Variants in MARCHF1 observed in about 807,000 individuals in gnomAD.
MARCHF1 encodes the protein E3 ubiquitin-protein ligase MARCHF1.
Under a neutral mutation model 54.2 loss-of-function variants are expected in MARCHF1, and 40 were observed. The observed-to-expected ratio is 0.74, with a 90% CI of 0.57 to 0.96. The LOEUF (loss-of-function observed/expected upper bound fraction) is 0.96. MARCHF1 is among the 40% of genes least tolerant of loss of function. The pLI, the probability that MARCHF1 is intolerant of heterozygous loss-of-function variation, is 0.00. For synonymous variants in MARCHF1, 236 were observed against 236.3 expected (o/e 1.00, Z 0.01); for missense variants, 586 against 656.5 (o/e 0.89, Z 1.17).
chr4:164,338,977 AAAAT>A (rs1005791769), intron 1 of MARCHF1, among the ~76,000 whole-genome samples: 183 of 152,312 alleles, frequency 1.2e-3, no homozygotes, highest in African/African-American at 4.1e-3. Flanking sequence ...CATCTCAAAA[AAAAT>A]AAATAAATAA....
In MARCHF1 at chr4:164,162,910, GC is replaced by G. The variant is rs761086061; in HGVS notation, c.-322-51249del. 3.3e-5 allele frequency among the ~76,000 whole-genome samples: 5 copies of G among 152,034 alleles called. 1 individual carries two copies. Among genetic ancestry groups the G allele is most frequent in the African/African-American group, 9.7e-5 (4 of 41,418 alleles). ...AGGAAAATACATCATCTTTAAATAA[GC>G]AACAGTTTTACTGACAGCTAACTTC... On this transcript the variant is annotated intron_variant, in intron 1 of 9. Transcript: ENST00000514618.
chr4:164,166,253 T>A (rs966942), intron 1 of MARCHF1, among the ~76,000 whole-genome samples: 1 of 151,840 alleles, frequency 6.6e-6, no homozygotes, highest in African/African-American at 2.4e-5. Flanking sequence ...ATTTCATGCA[T>A]GAGATGATAA....
chr4:163,966,181 C>T (rs1014255631), intron 3 of MARCHF1, among the ~76,000 whole-genome samples: 1 of 151,868 alleles, frequency 6.6e-6, no homozygotes, highest in Non-Finnish European at 1.5e-5. Context: ...AGCAATCTTA[C>T]CATTTATAAA....
intron 4 of MARCHF1, among the ~76,000 whole-genome samples, chr4:163,725,862 T>C (rs556668763): frequency 6.6e-6 from 1 of 152,350 alleles, no homozygotes; most frequent in African/African-American, 2.4e-5. Flanking sequence ...ACAGTTAATG[T>C]CTGTTTTTGT....
At chr4:163,750,654 C>A (rs1007982685) in intron 4 of MARCHF1, among the ~76,000 whole-genome samples, 1 of 152,078 alleles carries the variant, frequency 6.6e-6, no homozygotes, top group African/African-American at 2.4e-5. Context: ...CAAACTCCTC[C>A]AGAGAATAAC....
intron 1 of MARCHF1, among the ~76,000 whole-genome samples, chr4:164,306,642 A>G (rs1010921611): frequency 7.9e-5 from 12 of 152,166 alleles, no homozygotes; most frequent in Non-Finnish European, 1.6e-4. Context: ...TATTCCTTCT[A>G]AAACTAAGAT....
At position 164,314,779 on chromosome 4, in the gene MARCHF1, A is replaced by T. The variant is rs186403749; in HGVS notation, c.-323+69091T>A. 3.9e-5 allele frequency among the ~76,000 whole-genome samples: 6 copies of T among 152,270 alleles called. No homozygotes were observed. In the East Asian group the frequency reaches 1.2e-3, roughly 29 times the overall value. The stretch of plus-strand genomic sequence containing the variant: ...TTTCTTAGTTGTATATTTAACATGT[A>T]TCAAATCTCTACTGTACGTCAGATA... On this transcript the variant is annotated intron_variant, in intron 1 of 9. Coordinates refer to ENST00000514618, the MANE Select transcript of MARCHF1 (RefSeq NM_001394959.1).
chr4:163,630,719 T>C (rs1742044586), intron 5 of MARCHF1, among the ~76,000 whole-genome samples: 1 of 152,076 alleles, frequency 6.6e-6, no homozygotes. Flanking sequence ...TGAGATATTA[T>C]TAATGTCTGT....
At chr4:163,613,467 A>C in intron 5 of MARCHF1, 74 bp from the exon 6 acceptor site, 1 of 1,612,470 alleles carries the variant, frequency 6.2e-7, no homozygotes, top group Non-Finnish European at 8.5e-7. Flanking sequence ...TTTTTTCCAC[A>C]TATTTAAAAA....
chr4:164,086,776 G>A (rs1755200636), intron 2 of MARCHF1, among the ~76,000 whole-genome samples: 1 of 151,996 alleles, frequency 6.6e-6, no homozygotes, highest in Non-Finnish European at 1.5e-5. Flanking sequence ...CTCTGTAAAT[G>A]ATTTTTCATT....
At chr4:163,895,067 A>ATG (rs763154621) in intron 3 of MARCHF1, among the ~76,000 whole-genome samples, 7 of 152,018 alleles carry the variant, frequency 4.6e-5, no homozygotes, top group South Asian at 2.1e-4. Context: ...ATGCATAAAT[A>ATG]TGCATGTGAT....
chr4:163,787,027 T>G (rs769029703), intron 4 of MARCHF1, among the ~76,000 whole-genome samples: 1 of 151,844 alleles, frequency 6.6e-6, no homozygotes, highest in Non-Finnish European at 1.5e-5. Context: ...GAATATCCAT[T>G]TACAAAAGAG....
At chr4:163,931,181 A>G (rs986804482) in intron 3 of MARCHF1, among the ~76,000 whole-genome samples, 2 of 152,180 alleles carry the variant, frequency 1.3e-5, no homozygotes, top group African/African-American at 2.4e-5. Context: ...TGGAACCTCA[A>G]TCTTGGACTT....
chr4:164,228,454 T>G lies in MARCHF1; in HGVS notation c.-322-116792A>C, dbSNP rs529209055. ...AACCTTTACTTTGAAAAGTTCTTTA[T>G]AGTAGTTAATCTGCATGTGGAACCC... On this transcript the variant is annotated intron_variant, in intron 1 of 9. Coordinates refer to ENST00000514618, the MANE Select transcript of MARCHF1 (RefSeq NM_001394959.1). Among the ~76,000 whole-genome samples, 13 of 152,332 alleles carry G rather than the reference T, an allele frequency of 8.5e-5. No individual in the cohort carries two copies. In the South Asian group the frequency reaches 2.3e-3, roughly 27 times the overall value.
At chr4:164,198,485 A>T (rs1223202143) in intron 1 of MARCHF1, among the ~76,000 whole-genome samples, 1 of 152,258 alleles carries the variant, frequency 6.6e-6, no homozygotes, top group African/African-American at 2.4e-5. Flanking sequence ...TTCTTACACA[A>T]GGATCATGAG....
intron 1 of MARCHF1, among the ~76,000 whole-genome samples, chr4:164,228,576 A>G (rs1237490919): frequency 6.6e-6 from 1 of 152,192 alleles, no homozygotes; most frequent in African/African-American, 2.4e-5. Flanking sequence ...AATTAAGGAT[A>G]AACCCAACTG....
Position 163,616,741 on chromosome 4 carries a change from G to A in MARCHF1, c.163-3348C>T, listed in dbSNP as rs559350395. On this transcript the variant is annotated intron_variant, in intron 5 of 9. Coordinates refer to ENST00000514618, the MANE Select transcript of MARCHF1 (RefSeq NM_001394959.1). ...AAAACACACACACACACACACAAAA[G>A]TAACAAAATAAAATTCACCAGAATG... Among the ~76,000 whole-genome samples the A allele has an allele frequency of 4.0e-4, 61 of 150,646 alleles. 1 individual carries two copies. Among genetic ancestry groups the A allele is most frequent in the Middle Eastern group, 6.8e-3 (2 of 294 alleles).
At chr4:164,029,787 G>A (rs138761594) in intron 2 of MARCHF1, among the ~76,000 whole-genome samples, 12,847 of 151,996 alleles carry the variant, frequency 0.085, 662 homozygotes, top group South Asian at 0.21. Context: ...TAGAGACAGC[G>A]TTTCACCGTG....
intron 3 of MARCHF1, among the ~76,000 whole-genome samples, chr4:163,909,545 G>A (rs754340949): frequency 1.7e-4 from 26 of 152,202 alleles, no homozygotes; most frequent in Non-Finnish European, 2.9e-4. Flanking sequence ...TTCAATAGTC[G>A]AGTGGGAGGA....
Sources: gnomAD v4.1 joint callset for allele counts (sites outside exome capture counted in the v4.1 genomes callset) on GRCh38, gnomAD v4.1.1 for gene constraint, MANE v1.5 for transcripts, NCBI Gene and HGNC (gene_info 2026-07-23, HGNC 2026-07-21) for gene names.